TSPAN5: variants seen among roughly 807,000 people sequenced by gnomAD.
TSPAN5 encodes tetraspanin-5.
A neutral mutation model predicts 37.1 loss-of-function variants in TSPAN5; 10 were observed. That is an observed-to-expected ratio of 0.27 (90% CI 0.17 to 0.46). TSPAN5 has a LOEUF of 0.46. Ranked by LOEUF, TSPAN5 falls within the 20% of genes least tolerant of loss-of-function variation. TSPAN5 has a pLI of 1.00. For synonymous variants in TSPAN5, 110 were observed against 118.9 expected (o/e 0.93, Z 0.48); for missense variants, 195 against 326.6 (o/e 0.60, Z 3.11).
intron 1 of TSPAN5, among the ~76,000 whole-genome samples, chr4:98,521,768 ACACTTAT>A (rs899533533): frequency 4.7e-4 from 72 of 152,150 alleles, no homozygotes; most frequent in African/African-American, 1.7e-3. Context: ...TATTTTTAAA[ACACTTAT>A]CACAAATGCT....
chr4:98,477,089 T>C (rs948657874), intron 5 of TSPAN5, among the ~76,000 whole-genome samples: 1 of 152,140 alleles, frequency 6.6e-6, no homozygotes, highest in South Asian at 2.1e-4. Flanking sequence ...GCCCAGAGGA[T>C]CTGTAGGTGA....
rs182566314 is a variant in TSPAN5, at chr4:98,629,970, A to C, written c.81+28176T>G. Reference sequence around the variant, plus strand: ...TTAAACTGTCTTGTCATACTTACATAACCAGGTAATAATAATCTATGAAAA... The same window carrying C: ...TTAAACTGTCTTGTCATACTTACATCACCAGGTAATAATAATCTATGAAAA... On this transcript the variant is annotated intron_variant, in intron 1 of 7. Coordinates refer to ENST00000305798, the MANE Select transcript of TSPAN5 (RefSeq NM_005723.4). Among the ~76,000 whole-genome samples the C allele has an allele frequency of 2.0e-5, 3 of 152,348 alleles. No homozygotes were observed. The East Asian group carries it at 5.8e-4, about 29-fold the overall frequency.
intron 2 of TSPAN5, among the ~76,000 whole-genome samples, chr4:98,494,465 C>A (rs1753154164): frequency 1.5e-5 from 2 of 136,182 alleles, no homozygotes; most frequent in Middle Eastern, 3.7e-3. Flanking sequence ...CACTTACTAC[C>A]TGTGTCATCT....
At chr4:98,547,124 C>G (rs1382673460) in intron 1 of TSPAN5, among the ~76,000 whole-genome samples, 1 of 152,182 alleles carries the variant, frequency 6.6e-6, no homozygotes, top group South Asian at 2.1e-4. Context: ...GGCTCCCCCT[C>G]GCTCTTCTCT....
At chr4:98,489,939 T>G (rs1035624649) in intron 2 of TSPAN5, among the ~76,000 whole-genome samples, 2 of 152,206 alleles carry the variant, frequency 1.3e-5, no homozygotes, top group African/African-American at 4.8e-5. Context: ...GTCTGTTCAA[T>G]GAACCAAAGA....
chr4:98,623,082 G>A (rs1273002007), intron 1 of TSPAN5, among the ~76,000 whole-genome samples: 4 of 152,008 alleles, frequency 2.6e-5, no homozygotes. Context: ...TCCTTTTTTA[G>A]GGGAGGGGAG....
At chr4:98,618,029 T>C (rs1756378486) in intron 1 of TSPAN5, among the ~76,000 whole-genome samples, 1 of 152,214 alleles carries the variant, frequency 6.6e-6, no homozygotes, top group Non-Finnish European at 1.5e-5. Flanking sequence ...TGTGGAGCTC[T>C]TGTACACAAC....
At chr4:98,597,659 A>C (rs1426574835) in intron 1 of TSPAN5, among the ~76,000 whole-genome samples, 1 of 38,298 alleles carries the variant, frequency 2.6e-5, no homozygotes, top group Non-Finnish European at 4.3e-5. Context: ...TCTAACAGAC[A>C]GGACCCTCAG....
chr4:98,540,741 C>T (rs1754340409), intron 1 of TSPAN5, among the ~76,000 whole-genome samples: 1 of 152,138 alleles, frequency 6.6e-6, no homozygotes, highest in Non-Finnish European at 1.5e-5. Context: ...GGGAGTTGAA[C>T]AAAATGCCTT....
chr4:98,551,552 C>T (rs1294026612), intron 1 of TSPAN5, among the ~76,000 whole-genome samples: 11 of 141,654 alleles, frequency 7.8e-5, no homozygotes, highest in African/African-American at 1.9e-4. Flanking sequence ...AGTGCAGTGG[C>T]GCGATCTTGG....
intron 1 of TSPAN5, among the ~76,000 whole-genome samples, chr4:98,567,058 C>A (rs551314936): frequency 1.3e-5 from 2 of 152,334 alleles, no homozygotes; most frequent in Non-Finnish European, 2.9e-5. Context: ...GTTTAACTGG[C>A]CAATTCTTGC....
chr4:98,515,504 G>T (rs1174986050), intron 1 of TSPAN5, among the ~76,000 whole-genome samples: 1 of 148,300 alleles, frequency 6.7e-6, no homozygotes, highest in Non-Finnish European at 1.5e-5. Flanking sequence ...AGTTCACAGT[G>T]ATCAGAGGCT....
At chr4:98,587,569 A>G (rs1755520171) in intron 1 of TSPAN5, among the ~76,000 whole-genome samples, 1 of 152,176 alleles carries the variant, frequency 6.6e-6, no homozygotes, top group Non-Finnish European at 1.5e-5. Context: ...ACCCCAGTGA[A>G]GCAAGGCACA....
chr4:98,648,777 G>A (rs1196253714), intron 1 of TSPAN5, among the ~76,000 whole-genome samples: 1 of 152,230 alleles, frequency 6.6e-6, no homozygotes, highest in East Asian at 1.9e-4. Context: ...CAACGGGAAG[G>A]AGAGGCCACA....
intron 1 of TSPAN5, among the ~76,000 whole-genome samples, chr4:98,510,308 T>C (rs1753576224): frequency 6.6e-6 from 1 of 152,152 alleles, no homozygotes. Context: ...TTTGCTCCCA[T>C]GATATAAAAA....
chr4:98,546,555 C>T (rs1044942979), intron 1 of TSPAN5, among the ~76,000 whole-genome samples: 1 of 152,174 alleles, frequency 6.6e-6, no homozygotes, highest in Non-Finnish European at 1.5e-5. Context: ...TATATACATA[C>T]ATATTTATAT....
chr4:98,496,069 G>A (rs914061941), intron 2 of TSPAN5, among the ~76,000 whole-genome samples: 1 of 152,130 alleles, frequency 6.6e-6, no homozygotes, highest in African/African-American at 2.4e-5. Context: ...TTTTCCTAGA[G>A]TAAGAGATAG....
At chr4:98,548,392 G>C (rs1205320870) in intron 1 of TSPAN5, among the ~76,000 whole-genome samples, 1 of 152,122 alleles carries the variant, frequency 6.6e-6, no homozygotes, top group African/African-American at 2.4e-5. Context: ...TATAAAAAAA[G>C]TAAAAGACAG....
intron 1 of TSPAN5, among the ~76,000 whole-genome samples, chr4:98,511,800 C>G (rs961720217): frequency 6.6e-6 from 1 of 152,110 alleles, no homozygotes; most frequent in African/African-American, 2.4e-5. Context: ...AAAACGTAAA[C>G]TACATAGGTG....
Sources: gnomAD v4.1 joint callset for allele counts (sites outside exome capture counted in the v4.1 genomes callset) on GRCh38, gnomAD v4.1.1 for gene constraint, MANE v1.5 for transcripts, NCBI Gene and HGNC (gene_info 2026-07-23, HGNC 2026-07-21) for gene names.